The following SPEF1 variants were observed in gnomAD, a reference collection of about 807,000 sequenced individuals.
The protein encoded by SPEF1 is sperm flagella and cilia-associated protein 1.
Under a neutral mutation model 31.8 loss-of-function variants are expected in SPEF1, and 30 were observed. That is an observed-to-expected ratio of 0.94 (90% CI 0.70 to 1.28). The LOEUF (loss-of-function observed/expected upper bound fraction) is 1.28, where lower values mean the gene tolerates loss of function less well. SPEF1 is among the 50% of genes most tolerant of loss of function. The pLI is 0.00. For synonymous variants in SPEF1, 126 were observed against 130.1 expected, an observed-to-expected ratio of 0.97 and a Z score of 0.21; for missense variants, 298 against 309.6, an observed-to-expected ratio of 0.96 and a Z score of 0.28.
rs762220533 is a variant in SPEF1 at position 3,778,535 on chromosome 20, C to T, written c.489G>A (p.Arg163=). The change falls in exon 6 of 7, where the codon CGG becomes CGA. Residue 163 remains arginine, a synonymous_variant. Transcript: ENST00000379756. ...ACGCTGGAGGCCGAGGCGCCGGCGG[C>T]CGGTCCCAGCTGGGGTGGGAAGCAG... ...PQGGGQLSWD[R]PPAPRPPAYN... 1 of 1,606,620 alleles carries T rather than the reference C, an allele frequency of 6.2e-7. No individual in the cohort carries two copies. Among genetic ancestry groups the T allele is most frequent in the Non-Finnish European group, 8.5e-7 (1 of 1,177,942 alleles).
rs199556015 is a variant in SPEF1 at position 3,780,951 on chromosome 20, A to ACC, written c.109+226_109+227dup. ...AATGTCCCTGGAGGGAGTTAGAGGCACCCCCCCCAACATGCACACAGGATA... is the reference window on the plus strand; with the variant it reads ...AATGTCCCTGGAGGGAGTTAGAGGCACCCCCCCCCCAACATGCACACAGGATA... On this transcript the variant is annotated intron_variant, in intron 1 of 6. Transcript: ENST00000379756. 1.6e-4 allele frequency among the ~76,000 whole-genome samples: 25 copies of ACC among 151,596 alleles called. 1 individual carries two copies. Among genetic ancestry groups the ACC allele is most frequent in the East Asian group, 3.9e-4 (2 of 5,156 alleles).
chr20:3,778,839 T>A, intron 4 of SPEF1, 33 bp from the exon 5 acceptor site: 1 of 1,611,110 alleles, frequency 6.2e-7, no homozygotes, highest in South Asian at 1.1e-5. Flanking sequence ...ATGACTGTGC[T>A]GGAGTCTCAT....
chr20:3,779,324 C>A lies in SPEF1; in HGVS notation c.250G>T (p.Val84Leu). Residue 84 changes from valine to leucine, a missense_variant, in exon 3 of 7, where the codon GTA becomes TTA. Transcript: ENST00000379756. ...RKVLKRLNFS[V>L]PDDVMRKIAQ... ...ATCTTGCGCATCACGTCATCCGGTA[C>A]TGAAAAGTTCAGCCTCTTCAGTACC... 5 of 1,600,008 alleles carry A rather than the reference C, an allele frequency of 3.1e-6. No homozygotes were observed. The highest frequency in any genetic ancestry group is 3.4e-6 in the Non-Finnish European group (4 of 1,171,330).
intron 3 of SPEF1, 51 bp downstream of exon 3, chr20:3,779,145 G>C (rs762660963): frequency 6.5e-6 from 10 of 1,541,896 alleles, no homozygotes; most frequent in Non-Finnish European, 8.8e-6. Context: ...TCTGGGGAGC[G>C]CCCCCCACCC....
intron 3 of SPEF1, 77 bp from the exon 4 acceptor site, chr20:3,779,067 C>T (rs1002578923): frequency 1.0e-5 from 16 of 1,607,508 alleles, no homozygotes; most frequent in South Asian, 2.2e-5. Context: ...TCCACGGGCC[C>T]CCAGGCCAGG....
At position 3,781,315 on chromosome 20, in the gene SPEF1, G is replaced by C. The variant is rs772257421; in HGVS notation, c.-28C>G. 1 of 1,606,198 alleles carries C rather than the reference G, an allele frequency of 6.2e-7. No individual in the cohort carries two copies. Among genetic ancestry groups the C allele is most frequent in the East Asian group, 2.3e-5 (1 of 44,340 alleles). The stretch of plus-strand genomic sequence containing the variant: ...GCGTCCTCACGGCCTGGCCGCCCCA[G>C]CGGTGCCGGGTCCCGCCCCAGCCTC... On this transcript the variant is annotated 5_prime_UTR_variant, in exon 1 of 7. Coordinates refer to ENST00000379756, the MANE Select transcript of SPEF1 (RefSeq NM_015417.5).
intron 1 of SPEF1, among the ~76,000 whole-genome samples, chr20:3,780,335 A>AC: frequency 4.3e-5 from 1 of 23,454 alleles, no homozygotes; most frequent in East Asian, 1.8e-3. Flanking sequence ...ACTCTGTCTC[A>AC]AAAAAAAAAA....
Position 3,778,144 on chromosome 20 carries a change from G to C in SPEF1, c.*68C>G. 8.7e-7 allele frequency: 1 copy of C among 1,151,066 alleles called. No individual in the cohort carries two copies. The highest frequency in any genetic ancestry group is 1.2e-6 in the Non-Finnish European group (1 of 826,838). The allele number at this position is 1,151,066 out of a possible 1,614,324, so 71.3% of individuals were successfully genotyped here. On this transcript the variant is annotated 3_prime_UTR_variant, in exon 7 of 7. Coordinates refer to ENST00000379756, the MANE Select transcript of SPEF1 (RefSeq NM_015417.5). ...CCTCCCAATGGTCTATCCATCGGTG[G>C]GTGGGTCCGGCGCGGCGTCGGGGCT...
At chr20:3,779,025 G>T in intron 3 of SPEF1, 35 bp from the exon 4 acceptor site, 1 of 1,613,870 alleles carries the variant, frequency 6.2e-7, no homozygotes, top group Non-Finnish European at 8.5e-7. Flanking sequence ...GTAAGCCCGG[G>T]CTCAGTCATC....
At chr20:3,779,449 T>C in intron 2 of SPEF1, 97 bp from the exon 3 acceptor site, 2 of 1,108,250 alleles carry the variant, frequency 1.8e-6, no homozygotes, top group East Asian at 2.5e-5. Flanking sequence ...CTGTTCTGAG[T>C]GTACAGCCCT....
chr20:3,780,416 G>GCA (rs55996387), intron 1 of SPEF1, among the ~76,000 whole-genome samples: 15,052 of 137,746 alleles, frequency 0.11, 840 homozygotes, highest in Non-Finnish European at 0.13. Context: ...GATGCATGAT[G>GCA]CACACACACA....
In SPEF1 at chr20:3,778,439, G is replaced by A; in HGVS notation, c.585C>T (p.Ala195=). The change falls in exon 6 of 7, where the codon GCC becomes GCT. Residue 195 remains alanine (A), a synonymous_variant. Transcript: ENST00000379756. ...QIAEKEQELL[A]SQETVQVLQM... is the part of the protein sequence containing the mutation. ...CCCTCACCTGCACGGTCTCTTGAGA[G>A]GCCAACAGCTCCTGCTCCTTTTCAG... 6.2e-7 allele frequency: 1 copy of A among 1,613,968 alleles called. No homozygotes were observed. The highest frequency in any genetic ancestry group is 8.5e-7 in the Non-Finnish European group (1 of 1,179,972).
intron 1 of SPEF1, 70 bp from the exon 2 acceptor site, chr20:3,779,845 G>T: frequency 1.7e-6 from 1 of 589,312 alleles, no homozygotes. Flanking sequence ...GAGAAGGTGG[G>T]GGTGGGAGAA....
Position 3,779,349 on chromosome 20 carries a change from C to T in SPEF1, c.225G>A (p.Lys75=). Residue 75 remains lysine, a synonymous_variant, in exon 3 of 7, where the codon AAG becomes AAA. Coordinates refer to ENST00000379756, the MANE Select transcript of SPEF1 (RefSeq NM_015417.5). ...CTGAAAAGTTCAGCCTCTTCAGTACCTTCCTGAGGGGTAGACATTGGGATA... is the reference window on the plus strand; with the variant it reads ...CTGAAAAGTTCAGCCTCTTCAGTACTTTCCTGAGGGGTAGACATTGGGATA... ...KLSNWGHLNR[K]VLKRLNFSVP... 6.3e-7 allele frequency: 1 copy of T among 1,591,268 alleles called. No homozygotes were observed. The highest frequency in any genetic ancestry group is 8.6e-7 in the Non-Finnish European group (1 of 1,163,818).
At chr20:3,779,815 G>A (rs2088769234) in intron 1 of SPEF1, 40 bp from the exon 2 acceptor site, 2 of 1,009,068 alleles carry the variant, frequency 2.0e-6, no homozygotes, top group Non-Finnish European at 3.1e-6. Flanking sequence ...TGGGGGCATG[G>A]GTAAGGAAGG....
rs770611382 is a variant in SPEF1, at chr20:3,779,763, T to C, written c.122A>G (p.Glu41Gly). Residue 41 changes from glutamate (E) to glycine (G), a missense_variant, in exon 2 of 7, where the codon GAG becomes GGG. By Grantham distance (98) the Glu-to-Gly change is moderately conservative. Coordinates refer to ENST00000379756, the MANE Select transcript of SPEF1 (RefSeq NM_015417.5). ...RDFSDGVLVA[E>G]VIKFYFPKMV... ...CTTGGGGAAGTAAAACTTGATGACC[T>C]CTGCAACAAGGACTGAGGGAGAGGG... The C allele has an allele frequency of 9.3e-6, 15 of 1,604,868 alleles. No homozygotes were observed.
chr20:3,779,208 G>C lies in SPEF1; in HGVS notation c.366C>G (p.Ala122=). ...EERQRRRKQG[A]GSLQELAPQD... is the part of the protein sequence containing the mutation. ...AGCGGGGTGGCACCTGTAAGGAGCC[G>C]GCGCCCTGCTTCCTGCGCCTCTGCC... The change falls in exon 3 of 7, where the codon GCC becomes GCG. Residue 122 remains alanine, a synonymous_variant. Transcript: ENST00000379756. 6.3e-7 allele frequency: 1 copy of C among 1,575,358 alleles called. No homozygotes were observed. Among genetic ancestry groups the C allele is most frequent in the South Asian group, 1.1e-5 (1 of 87,136 alleles).
At chr20:3,779,066 C>T (rs1600361796) in intron 3 of SPEF1, 76 bp from the exon 4 acceptor site, 1 of 1,607,948 alleles carries the variant, frequency 6.2e-7, no homozygotes, top group African/African-American at 1.3e-5. Context: ...TTCCACGGGC[C>T]CCCAGGCCAG....
chr20:3,778,985 C>T lies in SPEF1; in HGVS notation c.384G>A (p.Leu128=). ...RKQGAGSLQE[L]APQDGSGYMD... is the part of the protein sequence containing the mutation. ...TGTAGCCACTGCCATCCTGGGGAGC[C>T]AGCTCCTGAAAGAACCCCGGGGGTC... Residue 128 remains leucine (L), a synonymous_variant, in exon 4 of 7, where the codon CTG becomes CTA. Transcript: ENST00000379756. 6.2e-7 allele frequency: 1 copy of T among 1,614,188 alleles called. No individual in the cohort carries two copies. Among genetic ancestry groups the T allele is most frequent in the Non-Finnish European group, 8.5e-7 (1 of 1,180,014 alleles).
Sources: allele counts gnomAD v4.1 joint callset (sites outside exome capture counted in the v4.1 genomes callset), GRCh38; gene constraint gnomAD v4.1.1; transcripts MANE v1.5; gene names NCBI Gene and HGNC (gene_info 2026-07-23, HGNC 2026-07-21).